OTUD7B: variants seen among roughly 807,000 people sequenced by gnomAD.
OTUD7B encodes OTU domain-containing protein 7B.
In OTUD7B, 34 loss-of-function variants were observed where a neutral mutation model predicts 82.2. The ratio of observed to expected loss-of-function variants is 0.41; its 90% CI spans 0.31 to 0.55. The LOEUF (loss-of-function observed/expected upper bound fraction) is 0.55. Ranked by LOEUF, OTUD7B falls within the 20% of genes least tolerant of loss-of-function variation. The pLI is 0.20. For missense variants in OTUD7B, 944 were observed against 1,062.1 expected, an observed-to-expected ratio of 0.89 and a Z score of 1.55; for synonymous variants, 398 against 402.7, an observed-to-expected ratio of 0.99 and a Z score of 0.14.
chr1:149,946,068 AATAAT>A (rs1647700225), intron 11 of OTUD7B, among the ~76,000 whole-genome samples: 2 of 55,386 alleles, frequency 3.6e-5, no homozygotes, highest in Admixed American at 1.7e-4. Flanking sequence ...CTCAAAGAAA[AATAAT>A]AATAATAATA....
chr1:150,041,595 A>G, the OTUD7B span, among the ~76,000 whole-genome samples: 1 of 152,098 alleles, frequency 6.6e-6, no homozygotes, highest in Non-Finnish European at 1.5e-5. Flanking sequence ...CGGCCTCCCA[A>G]AGTGCTAGGA....
At chr1:150,001,419 T>A (rs1480122074) in intron 1 of OTUD7B, among the ~76,000 whole-genome samples, 1 of 152,144 alleles carries the variant, frequency 6.6e-6, no homozygotes, top group Admixed American at 6.5e-5. Flanking sequence ...AGCCTTCACA[T>A]CCCTCAAACA....
intron 1 of OTUD7B, among the ~76,000 whole-genome samples, chr1:149,998,942 T>G (rs2101921557): frequency 6.6e-6 from 1 of 152,240 alleles, no homozygotes; most frequent in African/African-American, 2.4e-5. Context: ...GTTTCTCACA[T>G]TTTTTTTCTT....
chr1:150,032,270 C>G, the OTUD7B span, among the ~76,000 whole-genome samples: 1 of 151,122 alleles, frequency 6.6e-6, no homozygotes, highest in Non-Finnish European at 1.5e-5. Flanking sequence ...CGAAATCCCG[C>G]CATTGCACTC....
chr1:149,950,071 T>C, intron 8 of OTUD7B, 23 bp downstream of exon 8: 1 of 1,612,732 alleles, frequency 6.2e-7, no homozygotes, highest in South Asian at 1.1e-5. Flanking sequence ...CAGCATGGAG[T>C]GAGGACTGAC....
At chr1:150,019,742 C>T in the OTUD7B span, among the ~76,000 whole-genome samples, 64 of 152,268 alleles carry the variant, frequency 4.2e-4, no homozygotes, top group African/African-American at 1.5e-3. Flanking sequence ...TCATTATTCA[C>T]GTGGTTGGCA....
chr1:150,015,591 G>T (rs587623277), upstream of OTUD7B, among the ~76,000 whole-genome samples: 1 of 152,088 alleles, frequency 6.6e-6, no homozygotes, highest in Admixed American at 6.6e-5. Context: ...TTACAAGTGT[G>T]AGCCACCATG....
At chr1:150,030,345 G>A in the OTUD7B span, among the ~76,000 whole-genome samples, 1 of 152,022 alleles carries the variant, frequency 6.6e-6, no homozygotes, top group Non-Finnish European at 1.5e-5. Flanking sequence ...TCTCACACAA[G>A]TTTCTGAACA....
the OTUD7B span, chr1:150,054,584 A>T: frequency 2.5e-6 from 1 of 407,196 alleles, no homozygotes; most frequent in East Asian, 7.1e-5. Flanking sequence ...AAAGCAGGCA[A>T]ATCACTTGAG....
chr1:149,944,833 T>C lies in OTUD7B; in HGVS notation c.1556A>G (p.Lys519Arg), dbSNP rs1553771685. 6.2e-7 allele frequency: 1 copy of C among 1,614,196 alleles called. No individual in the cohort carries two copies. The highest frequency in any genetic ancestry group is 1.1e-5 in the South Asian group (1 of 91,082). ...FGKTLGSKLK[K>R]NMGGLMHSKG... ...GCTGTGCATCAGGCCCCCCATGTTC[T>C]TCTTGAGCTTGCTGCCCAAGGTTTT... Residue 519 changes from lysine to arginine, a missense_variant, in exon 12 of 12, where the codon AAG becomes AGG. Coordinates refer to ENST00000581312, the MANE Select transcript of OTUD7B (RefSeq NM_020205.4).
upstream of OTUD7B, among the ~76,000 whole-genome samples, chr1:150,015,342 G>C (rs1253122202): frequency 1.5e-5 from 2 of 132,332 alleles, no homozygotes; most frequent in East Asian, 2.2e-4. Flanking sequence ...CACCCAGGCT[G>C]GAGTGCAGTG....
intron 3 of OTUD7B, among the ~76,000 whole-genome samples, chr1:149,968,587 G>A (rs1399488327): frequency 3.9e-5 from 6 of 152,296 alleles, no homozygotes; most frequent in Admixed American, 1.3e-4. Context: ...TCCAAAGGGG[G>A]CAAAATTTCA....
the OTUD7B span, among the ~76,000 whole-genome samples, chr1:150,066,084 C>T: frequency 6.6e-6 from 1 of 152,098 alleles, no homozygotes. The surrounding 1 kb of genome is among the most constrained non-coding windows in gnomAD (Gnocchi z 4.6). Flanking sequence ...TCTTTATCTC[C>T]TTCTTTCTTA....
the OTUD7B span, among the ~76,000 whole-genome samples, chr1:150,024,770 G>A: frequency 2.0e-5 from 3 of 152,156 alleles, no homozygotes; most frequent in Admixed American, 6.5e-5. Flanking sequence ...ACAATTAGCC[G>A]GGCGTGGTGG....
chr1:149,964,213 C>T lies in OTUD7B; in HGVS notation c.732+9G>A. 1 of 1,611,104 alleles carries T rather than the reference C, an allele frequency of 6.2e-7. No individual in the cohort carries two copies. Among genetic ancestry groups the T allele is most frequent in the Admixed American group, 1.7e-5 (1 of 60,000 alleles). ...AGGAAACAAGGCGCTCCCACCCACG[C>T]TCTCCCACCTCTTTATTCTGCTGTG... On this transcript the variant is annotated intron_variant, in intron 6 of 11. Coordinates refer to ENST00000581312, the MANE Select transcript of OTUD7B (RefSeq NM_020205.4).
chr1:150,055,932 G>A, the OTUD7B span, among the ~76,000 whole-genome samples: 1 of 152,038 alleles, frequency 6.6e-6, no homozygotes. Context: ...TAACTATTGG[G>A]TACTAGGTTT....
intron 1 of OTUD7B, among the ~76,000 whole-genome samples, chr1:149,986,237 T>TCACACACACACACA (rs34962941): frequency 7.3e-6 from 1 of 136,544 alleles, no homozygotes; most frequent in Non-Finnish European, 1.6e-5. Flanking sequence ...TGGTACCCCA[T>TCACACACACACACA]CACACACACA....
At chr1:150,013,607 G>T (rs1406780894), upstream of OTUD7B, among the ~76,000 whole-genome samples, 3 of 151,912 alleles carry the variant, frequency 2.0e-5, no homozygotes, top group Non-Finnish European at 4.4e-5. Flanking sequence ...TGAAGACCAT[G>T]AATCCATATT....
At chr1:149,957,715 C>G (rs1435268830) in intron 7 of OTUD7B, among the ~76,000 whole-genome samples, 4 of 152,222 alleles carry the variant, frequency 2.6e-5, no homozygotes, top group African/African-American at 9.6e-5. Flanking sequence ...CTTTGTTTAC[C>G]TACTCAAGCC....
Sources: allele counts gnomAD v4.1 joint callset (sites outside exome capture counted in the v4.1 genomes callset), GRCh38; gene constraint gnomAD v4.1.1; non-coding constraint Gnocchi (gnomAD v3.1); transcripts MANE v1.5; gene names NCBI Gene and HGNC (gene_info 2026-07-23, HGNC 2026-07-21).